Variants in WASHC2A observed in about 807,000 individuals in gnomAD.
The protein encoded by WASHC2A is WASH complex subunit FAM21A.
In WASHC2A, 82 loss-of-function variants were observed where a neutral mutation model predicts 140.3. That is an observed-to-expected ratio of 0.58 (90% confidence interval 0.49 to 0.70). The LOEUF is 0.70. WASHC2A is among the 30% of genes least tolerant of loss of function. The pLI is 0.00. For synonymous variants in WASHC2A, 340 were observed against 560.8 expected (o/e 0.61, Z 5.56); for missense variants, 985 against 1,521.8 (o/e 0.65, Z 5.87).
At position 50,129,912 on chromosome 10, in the gene WASHC2A, A is replaced by G; in HGVS notation, c.3581A>G (p.Lys1194Arg). ...CAGTCTGCTAAACCAAAACCAGCAAAGAAAACAAATCCCTTTCCTCTCCTG... is the reference window on the plus strand; with the variant it reads ...CAGTCTGCTAAACCAAAACCAGCAAGGAAAACAAATCCCTTTCCTCTCCTG... ...LFQSAKPKPA[K>R]KTNPFPLLED... Residue 1194 changes from lysine to arginine, a missense_variant, in exon 29 of 31, where the codon AAG becomes AGG. Transcript: ENST00000282633. The G allele has an allele frequency of 1.2e-6, 2 of 1,612,036 alleles. No homozygotes were observed. Among genetic ancestry groups the G allele is most frequent in the South Asian group, 1.1e-5 (1 of 90,986 alleles).
Position 50,126,041 on chromosome 10 carries a change from T to G in WASHC2A, c.2689-16T>G, listed in dbSNP as rs1843398758. The G allele has an allele frequency of 6.2e-7, 1 of 1,611,832 alleles. No individual in the cohort carries two copies. Reference sequence around the variant, plus strand: ...AAGATATTTGATGGCTTTTTGGTATTTTTTTTCTTTTGAAGGTACAAGAGA... The same window carrying G: ...AAGATATTTGATGGCTTTTTGGTATGTTTTTTCTTTTGAAGGTACAAGAGA... On this transcript the variant is annotated splice_polypyrimidine_tract_variant and intron_variant, in intron 25 of 30. Coordinates refer to ENST00000282633, the MANE Select transcript of WASHC2A (RefSeq NM_001005751.3).
At chr10:50,111,720 T>G in intron 20 of WASHC2A, among the ~76,000 whole-genome samples, 1 of 152,212 alleles carries the variant, frequency 6.6e-6, no homozygotes, top group Non-Finnish European at 1.5e-5. Context: ...AAACTAAGTG[T>G]AAGTCTTGTT....
chr10:50,069,488 G>T (rs1837601245), intron 2 of WASHC2A, 59 bp from the exon 3 acceptor site: 13 of 1,532,420 alleles, frequency 8.5e-6, no homozygotes, highest in Non-Finnish European at 8.8e-7. Flanking sequence ...TTTTTGATGT[G>T]ACATGCAGAA....
intron 7 of WASHC2A, among the ~76,000 whole-genome samples, chr10:50,086,540 A>G (rs1483039341): frequency 6.6e-6 from 1 of 151,364 alleles, no homozygotes; most frequent in Non-Finnish European, 1.5e-5. Flanking sequence ...GGTGCGCTGC[A>G]CCCATTAGCT....
intron 17 of WASHC2A, among the ~76,000 whole-genome samples, chr10:50,101,290 C>T (rs1413719662): frequency 2.0e-5 from 3 of 152,310 alleles, no homozygotes; most frequent in Non-Finnish European, 2.9e-5. Flanking sequence ...GTCTTTGCAC[C>T]GGCCCCTGCC....
In WASHC2A at chr10:50,110,204, C is replaced by T; in HGVS notation, c.1973C>T (p.Ala658Val). ...SGTLQSQEAK[A>V]VKKTSLFEED... The stretch of plus-strand genomic sequence containing the variant: ...ACCCTCCAGAGCCAGGAGGCCAAGG[C>T]TGTGAAAAAGACCAGTCTCTTTGAG... The change falls in exon 20 of 31, where the codon GCT becomes GTT. Residue 658 changes from alanine (A) to valine (V), a missense_variant. Coordinates refer to ENST00000282633, the MANE Select transcript of WASHC2A (RefSeq NM_001005751.3). 2 of 1,611,748 alleles carry T rather than the reference C, an allele frequency of 1.2e-6. No homozygotes were observed. The highest frequency in any genetic ancestry group is 1.7e-6 in the Non-Finnish European group (2 of 1,179,810).
chr10:50,116,749 G>T (rs1842716291), intron 21 of WASHC2A, among the ~76,000 whole-genome samples: 1 of 150,864 alleles, frequency 6.6e-6, no homozygotes, highest in Non-Finnish European at 1.5e-5. Flanking sequence ...AAGTTCAATG[G>T]TTTTGCACTT....
chr10:50,102,164 GTGT>G (rs1322914600), intron 17 of WASHC2A, among the ~76,000 whole-genome samples: 1 of 152,168 alleles, frequency 6.6e-6, no homozygotes, highest in Non-Finnish European at 1.5e-5. Context: ...TGCCCCATGT[GTGT>G]CATCATAGAG....
intron 29 of WASHC2A, 44 bp from the exon 30 acceptor site, chr10:50,130,857 A>G: frequency 2.5e-6 from 4 of 1,607,816 alleles, no homozygotes; most frequent in Non-Finnish European, 3.4e-6. Context: ...TTAAAAAGAA[A>G]AATTGATTTA....
At chr10:50,072,764 G>T (rs1837981555) in intron 3 of WASHC2A, among the ~76,000 whole-genome samples, 2 of 152,042 alleles carry the variant, frequency 1.3e-5, no homozygotes, top group Admixed American at 1.3e-4. Context: ...TGGGATTACA[G>T]GTGTGAGCCA....
Position 50,091,476 on chromosome 10 carries a change from A to C in WASHC2A, c.889A>C (p.Ile297Leu). 1 of 1,550,706 alleles carries C rather than the reference A, an allele frequency of 6.4e-7. No homozygotes were observed. Among genetic ancestry groups the C allele is most frequent in the Non-Finnish European group, 8.7e-7 (1 of 1,147,236 alleles). ...TSFADELAAR[I>L]KGDAVGRVDE... Reference sequence around the variant, plus strand: ...GTTTGCAGATGAGCTGGCTGCCCGCATCAAGGGGGATGCCGTGGGTCGAGT... The same window carrying C: ...GTTTGCAGATGAGCTGGCTGCCCGCCTCAAGGGGGATGCCGTGGGTCGAGT... Residue 297 changes from isoleucine (I) to leucine (L), a missense_variant, in exon 10 of 31, where the codon ATC becomes CTC. Physicochemically the swap from Ile to Leu is conservative, Grantham distance 5. Transcript: ENST00000282633.
Position 50,093,947 on chromosome 10 carries a change from G to C in WASHC2A, c.1180+30G>C, listed in dbSNP as rs782246392. On this transcript the variant is annotated intron_variant, in intron 13 of 30. Coordinates refer to ENST00000282633, the MANE Select transcript of WASHC2A (RefSeq NM_001005751.3). ...GCTGGGGCTGGGCAGCTGCGTCTCCGTGTGCAGAGTTCCAAAACTGTCTTT... is the reference window on the plus strand; with the variant it reads ...GCTGGGGCTGGGCAGCTGCGTCTCCCTGTGCAGAGTTCCAAAACTGTCTTT... The C allele has an allele frequency of 2.8e-4, 412 of 1,478,088 alleles. 1 individual carries two copies. In the East Asian group the frequency reaches 9.1e-3, roughly 33 times the overall value. 91.6% of individuals were successfully genotyped at this position (1,478,088 alleles called of 1,614,324 possible).
At chr10:50,092,376 G>T in intron 11 of WASHC2A, 143 bp downstream of exon 11, 2 of 1,533,844 alleles carry the variant, frequency 1.3e-6, no homozygotes, top group Non-Finnish European at 1.8e-6. Flanking sequence ...AAAGCCTCTG[G>T]GCTGGGCGCG....
chr10:50,111,310 G>A (rs1554890371), intron 20 of WASHC2A, among the ~76,000 whole-genome samples: 1 of 145,318 alleles, frequency 6.9e-6, no homozygotes, highest in East Asian at 1.9e-4. Flanking sequence ...CCAAATACTC[G>A]AATCTTGTCA....
Position 50,106,413 on chromosome 10 carries a change from C to A in WASHC2A, c.1817C>A (p.Ser606Tyr), listed in dbSNP as rs1345058587. The change falls in exon 19 of 31, where the codon TCC (serine) becomes TAC (tyrosine). Residue 606 changes from serine (S) to tyrosine (Y), a missense_variant. Transcript: ENST00000282633. ...QAQREEKAKA[S>Y]ELSKKKASAL... ...CAGAGAGAAGAGAAAGCAAAAGCCT[C>A]CGAGCTCTCCAAAAAGAAAGCATCT... 1.2e-6 allele frequency: 2 copies of A among 1,611,920 alleles called. No individual in the cohort carries two copies. The highest frequency in any genetic ancestry group is 1.7e-6 in the Non-Finnish European group (2 of 1,179,848).
At chr10:50,073,100 CAGTGTTCT>C (rs1173879157) in intron 3 of WASHC2A, among the ~76,000 whole-genome samples, 2 of 152,098 alleles carry the variant, frequency 1.3e-5, no homozygotes, top group East Asian at 3.9e-4. Context: ...TAACATTGGC[CAGTGTTCT>C]AGTGTCTAAT....
At chr10:50,106,558 T>G in intron 19 of WASHC2A, 93 bp downstream of exon 19, 1 of 1,539,864 alleles carries the variant, frequency 6.5e-7, no homozygotes, top group South Asian at 1.2e-5. Flanking sequence ...GTTTTATATC[T>G]CGTGATGTTC....
chr10:50,071,368 C>T (rs1331115336), intron 3 of WASHC2A, among the ~76,000 whole-genome samples: 2 of 150,214 alleles, frequency 1.3e-5, no homozygotes, highest in East Asian at 2.0e-4. Flanking sequence ...TGCAGTGGTG[C>T]GATCTCCGCT....
At chr10:50,103,554 C>T (rs11498074) in intron 17 of WASHC2A, among the ~76,000 whole-genome samples, 6,335 of 149,480 alleles carry the variant, frequency 0.042, 395 homozygotes, top group African/African-American at 0.14. Context: ...AGCGAGACTC[C>T]GCCTCAAAAA....
Sources: allele counts gnomAD v4.1 joint callset (sites outside exome capture counted in the v4.1 genomes callset), GRCh38; gene constraint gnomAD v4.1.1; transcripts MANE v1.5; gene names NCBI Gene and HGNC (gene_info 2026-07-23, HGNC 2026-07-21).